The following LOC400499 variants were observed in gnomAD, a reference collection of about 807,000 sequenced individuals.
At chr16:11,390,595 G>C in the LOC400499 span, 11 of 677,794 alleles carry the variant, frequency 1.6e-5, no homozygotes, top group African/African-American at 3.7e-5. Flanking sequence ...GGGGGAACTG[G>C]AACAGAGCAG....
At chr16:11,502,044 C>G in the LOC400499 span, 1 of 399,050 alleles carries the variant, frequency 2.5e-6, no homozygotes, top group Non-Finnish European at 4.4e-6. Context: ...CAGCCAGCTC[C>G]TAGTCCATCC....
chr16:11,385,543 C>T, the LOC400499 span: 1 of 562,236 alleles, frequency 1.8e-6, no homozygotes, highest in Non-Finnish European at 2.7e-6. Context: ...GGCCTGGATT[C>T]CCCCTCCCCT....
chr16:11,450,166 C>T, the LOC400499 span, among the ~76,000 whole-genome samples: 1 of 152,244 alleles, frequency 6.6e-6, no homozygotes, highest in Non-Finnish European at 1.5e-5. Context: ...GCTCCCTCAG[C>T]CCTGCAGATG....
the LOC400499 span, among the ~76,000 whole-genome samples, chr16:11,438,630 A>G: frequency 3.5e-4 from 50 of 143,134 alleles, no homozygotes; most frequent in African/African-American, 1.1e-3. Flanking sequence ...AAAAAAAAAA[A>G]GTACAAAAAT....
chr16:11,380,388 T>G, the LOC400499 span, among the ~76,000 whole-genome samples: 1 of 152,112 alleles, frequency 6.6e-6, no homozygotes, highest in African/African-American at 2.4e-5. Flanking sequence ...GAGACCAGCC[T>G]GGCTAACATG....
At chr16:11,501,947 G>A in the LOC400499 span, 11 of 394,720 alleles carry the variant, frequency 2.8e-5, no homozygotes, top group Non-Finnish European at 4.9e-5. Context: ...ACAAGTCAGT[G>A]TCAAGGGGAC....
the LOC400499 span, among the ~76,000 whole-genome samples, chr16:11,490,188 G>A: frequency 1.1e-4 from 16 of 152,100 alleles, no homozygotes; most frequent in Admixed American, 1.0e-3. Context: ...CTGAGGTCAG[G>A]AGTTCGAGAC....
At chr16:11,522,129 G>C in the LOC400499 span, 2 of 398,952 alleles carry the variant, frequency 5.0e-6, no homozygotes, top group Non-Finnish European at 4.4e-6. Flanking sequence ...GGCAGAGAGA[G>C]AGACAGCAAT....
At chr16:11,402,799 C>T in the LOC400499 span, among the ~76,000 whole-genome samples, 10 of 152,124 alleles carry the variant, frequency 6.6e-5, no homozygotes, top group Admixed American at 5.2e-4. Flanking sequence ...TGCTTTATGC[C>T]GCTGAGTTTC....
At chr16:11,524,516 A>C in the LOC400499 span, among the ~76,000 whole-genome samples, 1 of 152,126 alleles carries the variant, frequency 6.6e-6, no homozygotes, top group Non-Finnish European at 1.5e-5. Flanking sequence ...GTAAGTGAGC[A>C]AATGAGTAAT....
At chr16:11,477,966 C>T in the LOC400499 span, 32 of 398,906 alleles carry the variant, frequency 8.0e-5, no homozygotes, top group South Asian at 6.4e-4. Context: ...AGTTCCTGTG[C>T]GGCCAGGCTC....
chr16:11,476,743 C>T, the LOC400499 span: 4 of 399,466 alleles, frequency 1.0e-5, no homozygotes, highest in African/African-American at 8.2e-5. Context: ...GGTTCCCTTC[C>T]TGCCGGCACT....
At chr16:11,389,479 T>G in the LOC400499 span, among the ~76,000 whole-genome samples, 1 of 152,080 alleles carries the variant, frequency 6.6e-6, no homozygotes, top group Non-Finnish European at 1.5e-5. Flanking sequence ...GTCAGGAGTT[T>G]GAGACCAGCC....
chr16:11,500,945 A>G, the LOC400499 span: 21 of 398,974 alleles, frequency 5.3e-5, no homozygotes, highest in Non-Finnish European at 8.4e-5. Flanking sequence ...TCCCACAGGA[A>G]GGCAGGGCAT....
chr16:11,450,144 T>C, the LOC400499 span, among the ~76,000 whole-genome samples: 8 of 152,138 alleles, frequency 5.3e-5, no homozygotes, highest in Admixed American at 5.2e-4. Flanking sequence ...ACCCAGACAG[T>C]CCACCCACCA....
the LOC400499 span, among the ~76,000 whole-genome samples, chr16:11,453,348 T>C: frequency 6.6e-6 from 1 of 152,028 alleles, no homozygotes; most frequent in Admixed American, 6.6e-5. Context: ...TAACCAATAT[T>C]TTGAGCAGCC....
the LOC400499 span, chr16:11,448,024 C>T: frequency 6.5e-7 from 1 of 1,536,048 alleles, no homozygotes; most frequent in East Asian, 2.4e-5. Flanking sequence ...CCGAGGCTGG[C>T]CCTGGGCACC....
the LOC400499 span, among the ~76,000 whole-genome samples, chr16:11,387,979 T>C: frequency 1.3e-5 from 2 of 152,148 alleles, no homozygotes; most frequent in Admixed American, 6.5e-5. Context: ...TCTCAGGATC[T>C]AGAGTAGGAG....
the LOC400499 span, chr16:11,398,335 A>G: frequency 8.1e-7 from 1 of 1,232,310 alleles, no homozygotes; most frequent in Non-Finnish European, 1.0e-6. Flanking sequence ...CCCCTTCTGC[A>G]GGGCAGACTC....
Sources: allele counts gnomAD v4.1 joint callset (sites outside exome capture counted in the v4.1 genomes callset), GRCh38; gene constraint gnomAD v4.1.1; transcripts MANE v1.5.